Variants in DHX15 observed in about 807,000 individuals in gnomAD.
The protein encoded by DHX15 is DEAH-box helicase 15.
Under a neutral mutation model 94.4 loss-of-function variants are expected in DHX15, and 11 were observed. The ratio of observed to expected loss-of-function variants is 0.12; its 90% CI spans 0.07 to 0.19. The LOEUF is 0.19. Among genes scored for constraint, DHX15 ranks in the 10% least tolerant of loss-of-function variants. The probability of loss-of-function intolerance (pLI) is 1.00; values close to 1 mark genes in which losing one functional copy is unlikely to be tolerated. For missense variants in DHX15, 304 were observed against 988.5 expected (o/e 0.31, Z 9.29); for synonymous variants, 338 against 329.9 (o/e 1.02, Z -0.27).
intron 1 of DHX15, among the ~76,000 whole-genome samples, chr4:24,578,013 A>G (rs1722313681): frequency 6.6e-6 from 1 of 152,198 alleles, no homozygotes; most frequent in African/African-American, 2.4e-5. Flanking sequence ...GTACAAATTT[A>G]CTCAAAAAGG....
chr4:24,531,177 C>T (rs549399501), intron 12 of DHX15, among the ~76,000 whole-genome samples: 221 of 152,104 alleles, frequency 1.5e-3, no homozygotes, highest in African/African-American at 4.8e-3. Flanking sequence ...CAAGCTCTGC[C>T]TCCCAGGTTT....
intron 3 of DHX15, among the ~76,000 whole-genome samples, chr4:24,566,949 A>G (rs1052060410): frequency 1.3e-5 from 2 of 152,186 alleles, no homozygotes; most frequent in African/African-American, 4.8e-5. Flanking sequence ...TTTTATTTAC[A>G]TTTTTATTTG....
intron 3 of DHX15, among the ~76,000 whole-genome samples, chr4:24,566,997 T>C (rs1451814875): frequency 6.6e-6 from 1 of 152,210 alleles, no homozygotes; most frequent in African/African-American, 2.4e-5. Context: ...CTTTTCATTA[T>C]ACCTAGTACT....
chr4:24,572,970 G>T (rs888420333), intron 2 of DHX15, among the ~76,000 whole-genome samples: 1 of 152,136 alleles, frequency 6.6e-6, no homozygotes, highest in Non-Finnish European at 1.5e-5. Context: ...GAGTGCAGGG[G>T]CGCAATCTAG....
intron 1 of DHX15, among the ~76,000 whole-genome samples, chr4:24,581,658 T>C (rs1256125361): frequency 6.6e-6 from 1 of 152,206 alleles, no homozygotes; most frequent in East Asian, 1.9e-4. Context: ...ACAGTATTAA[T>C]ACATTAGCTT....
intron 3 of DHX15, among the ~76,000 whole-genome samples, chr4:24,559,420 A>G (rs1197893060): frequency 6.6e-6 from 1 of 150,922 alleles, no homozygotes; most frequent in African/African-American, 2.4e-5. Flanking sequence ...ACGATTTGCT[A>G]TACTGTTAAA....
chr4:24,560,581 T>C (rs141485911), intron 3 of DHX15, among the ~76,000 whole-genome samples: 1 of 152,314 alleles, frequency 6.6e-6, no homozygotes, highest in African/African-American at 2.4e-5. Flanking sequence ...AAGGTGCTAA[T>C]TCTGTTATAA....
chr4:24,562,546 T>C (rs1417921581), intron 3 of DHX15, among the ~76,000 whole-genome samples: 1 of 152,198 alleles, frequency 6.6e-6, no homozygotes, highest in Non-Finnish European at 1.5e-5. Flanking sequence ...AATAAAACAA[T>C]GTACATATAT....
intron 4 of DHX15, among the ~76,000 whole-genome samples, chr4:24,555,708 T>C (rs1721723002): frequency 6.6e-6 from 1 of 152,164 alleles, no homozygotes; most frequent in African/African-American, 2.4e-5. Flanking sequence ...TCATAGACTT[T>C]GGGGGACAAA....
At chr4:24,529,964 T>C (rs1371578527) in intron 12 of DHX15, 194 bp from the exon 13 acceptor site, 1 of 603,984 alleles carries the variant, frequency 1.7e-6, no homozygotes, top group African/African-American at 1.9e-5. Flanking sequence ...TAGCCTCTAT[T>C]TGTAAGGTCT....
chr4:24,569,175 TA>T (rs1255424576), intron 3 of DHX15, among the ~76,000 whole-genome samples: 5 of 152,210 alleles, frequency 3.3e-5, no homozygotes, highest in African/African-American at 1.2e-4. Context: ...TATATATAAT[TA>T]TTTGGTATCT....
chr4:24,575,215 G>A (rs889127598), intron 2 of DHX15, among the ~76,000 whole-genome samples: 1 of 151,262 alleles, frequency 6.6e-6, no homozygotes, highest in African/African-American at 2.4e-5. Flanking sequence ...TATAATAAAA[G>A]CTTCCTATTT....
At chr4:24,542,598 A>C (rs1187580948) in intron 7 of DHX15, among the ~76,000 whole-genome samples, 1 of 152,182 alleles carries the variant, frequency 6.6e-6, no homozygotes, top group Non-Finnish European at 1.5e-5. Flanking sequence ...TAACTCTAAT[A>C]ATGTTGGGAG....
chr4:24,574,563 T>G (rs1722200558), intron 2 of DHX15, among the ~76,000 whole-genome samples: 1 of 152,152 alleles, frequency 6.6e-6, no homozygotes. Flanking sequence ...GACCACAGAA[T>G]AGCAGTATGA....
chr4:24,579,353 T>C (rs1272268533), intron 1 of DHX15, among the ~76,000 whole-genome samples: 1 of 152,152 alleles, frequency 6.6e-6, no homozygotes, highest in Non-Finnish European at 1.5e-5. Flanking sequence ...AAGGGGAAAA[T>C]CAAACCCTCC....
rs926681737 is a variant in DHX15, at chr4:24,558,444, G to A, written c.702-2034C>T. On this transcript the variant is annotated intron_variant, in intron 3 of 13. Coordinates refer to ENST00000336812, the MANE Select transcript of DHX15 (RefSeq NM_001358.3). Reference sequence around the variant, plus strand: ...CTTTAATCAATCACAATATGGAGCAGAGCTAACCAACAGACATTCCTTTTT... The same window carrying A: ...CTTTAATCAATCACAATATGGAGCAAAGCTAACCAACAGACATTCCTTTTT... Among the ~76,000 whole-genome samples the A allele has an allele frequency of 5.3e-5, 8 of 152,196 alleles. No homozygotes were observed. In the South Asian group the frequency reaches 1.5e-3, roughly 28 times the overall value.
At chr4:24,558,208 G>A (rs936859044) in intron 3 of DHX15, among the ~76,000 whole-genome samples, 1 of 152,108 alleles carries the variant, frequency 6.6e-6, no homozygotes, top group South Asian at 2.1e-4. Context: ...CAGCTAGATC[G>A]AGTTCAAGCA....
chr4:24,549,892 G>A (rs1032784705), intron 5 of DHX15, among the ~76,000 whole-genome samples: 2 of 151,732 alleles, frequency 1.3e-5, no homozygotes. Context: ...TTGGGAGTTC[G>A]AGACCACCCT....
At chr4:24,547,278 A>G (rs1300019354) in intron 6 of DHX15, among the ~76,000 whole-genome samples, 1 of 152,256 alleles carries the variant, frequency 6.6e-6, no homozygotes, top group Admixed American at 6.5e-5. Flanking sequence ...TTTGAATTAT[A>G]AGCTCATGAT....
Sources: allele counts gnomAD v4.1 joint callset (sites outside exome capture counted in the v4.1 genomes callset), GRCh38; gene constraint gnomAD v4.1.1; transcripts MANE v1.5; gene names NCBI Gene and HGNC (gene_info 2026-07-23, HGNC 2026-07-21).